The following MYSM1 variants were observed in gnomAD, a reference collection of about 807,000 sequenced individuals.
MYSM1 encodes the protein deubiquitinase MYSM1.
In MYSM1, 51 loss-of-function variants were observed where a neutral mutation model predicts 116.0. The ratio of observed to expected loss-of-function variants is 0.44; its 90% CI spans 0.35 to 0.56. The LOEUF (loss-of-function observed/expected upper bound fraction) is 0.56, where lower values mean the gene tolerates loss of function less well. Among genes scored for constraint, MYSM1 ranks in the 20% least tolerant of loss-of-function variants. The probability of loss-of-function intolerance (pLI) is 0.00; values close to 1 mark genes in which losing one functional copy is unlikely to be tolerated. For synonymous variants in MYSM1, 313 were observed against 315.2 expected, an observed-to-expected ratio of 0.99 and a Z score of 0.07; for missense variants, 900 against 974.9, an observed-to-expected ratio of 0.92 and a Z score of 1.02.
At chr1:58,693,016 T>C in intron 2 of MYSM1, 85 bp from the exon 3 acceptor site, 1 of 1,063,288 alleles carries the variant, frequency 9.4e-7, no homozygotes. Flanking sequence ...ATACATGTTA[T>C]AATGATTATA....
chr1:58,684,620 A>G (rs1198848808), intron 7 of MYSM1, among the ~76,000 whole-genome samples: 3 of 151,936 alleles, frequency 2.0e-5, no homozygotes, highest in Non-Finnish European at 2.9e-5. Context: ...ACATGGTTGC[A>G]TATAGCACAA....
intron 16 of MYSM1, 41 bp downstream of exon 16, chr1:58,666,997 G>A (rs1296784238): frequency 5.9e-6 from 7 of 1,194,586 alleles, no homozygotes; most frequent in South Asian, 1.7e-5. Flanking sequence ...GCATTGAGGG[G>A]GTGTGCAACC....
Position 58,682,237 on chromosome 1 carries a change from T to C in MYSM1, c.807A>G (p.Glu269=), listed in dbSNP as rs947677904. 6.2e-7 allele frequency: 1 copy of C among 1,612,910 alleles called. No homozygotes were observed. The highest frequency in any genetic ancestry group is 8.5e-7 in the Non-Finnish European group (1 of 1,179,090). Reference sequence around the variant, plus strand: ...CCCTGGAAGACTTAGAAAAGAGAGCTTCCTGGCTGTCAGAAGTAATGAATT... The same window carrying C: ...CCCTGGAAGACTTAGAAAAGAGAGCCTCCTGGCTGTCAGAAGTAATGAATT... ...QGEFITSDSQ[E]ALFSKSSRGC... The change falls in exon 8 of 20, where the codon GAA becomes GAG. Residue 269 remains glutamate, a synonymous_variant. Transcript: ENST00000472487.
rs1228364942 is a variant in MYSM1 at position 58,690,230 on chromosome 1, T to C, written c.316A>G (p.Ile106Val). The C allele has an allele frequency of 5.1e-6, 8 of 1,562,906 alleles. No individual in the cohort carries two copies. In the African/African-American group the frequency reaches 5.5e-5, roughly 11 times the overall value. ...YMKSLQKTAK[I>V]MVHSPTKPAS... ...ATATAAAATATAAGTACATACATGA[T>C]TTTTGCTGTTTTCTGCAGACTGCAT... The change falls in exon 5 of 20, where the codon ATC becomes GTC. Residue 106 changes from isoleucine (I) to valine (V), a missense_variant. This residue lies in a region of MYSM1 where 622 missense variants were observed against 623.7 expected (regional missense o/e 1.00). Coordinates refer to ENST00000472487, the MANE Select transcript of MYSM1 (RefSeq NM_001085487.3).
At chr1:58,683,106 T>A (rs1644773482) in intron 7 of MYSM1, among the ~76,000 whole-genome samples, 1 of 152,218 alleles carries the variant, frequency 6.6e-6, no homozygotes, top group Admixed American at 6.5e-5. Context: ...TCTATAAATA[T>A]ATAACTAATT....
intron 6 of MYSM1, among the ~76,000 whole-genome samples, chr1:58,686,746 C>G (rs926841549): frequency 6.6e-6 from 1 of 152,022 alleles, no homozygotes; most frequent in African/African-American, 2.4e-5. Flanking sequence ...TAGCATGGAG[C>G]ATTTGTGGAG....
chr1:58,685,899 T>C (rs1222245196), intron 6 of MYSM1, among the ~76,000 whole-genome samples: 1 of 152,230 alleles, frequency 6.6e-6, no homozygotes, highest in Non-Finnish European at 1.5e-5. Flanking sequence ...ATCAACAAAC[T>C]CTGGTTTTCT....
chr1:58,685,339 CTT>C, intron 6 of MYSM1, 88 bp from the exon 7 acceptor site: 1 of 668,974 alleles, frequency 1.5e-6, no homozygotes, highest in East Asian at 3.1e-5. Context: ...AAAAAAAAAA[CTT>C]AAAAAAAAAT....
chr1:58,680,743 C>T (rs888025504), intron 8 of MYSM1, among the ~76,000 whole-genome samples: 4 of 152,160 alleles, frequency 2.6e-5, no homozygotes, highest in African/African-American at 9.7e-5. Context: ...GCTCAAGGAA[C>T]TAGGAAGCTC....
In MYSM1 at chr1:58,656,947, T is replaced by C. The variant is rs1392137910; in HGVS notation, c.*3050A>G. The stretch of plus-strand genomic sequence containing the variant: ...TTGTAAAATATCACTTTTAATTTTG[T>C]ATGGAAGAAGGGGTCTAAGATGGCA... On this transcript the variant is annotated 3_prime_UTR_variant, in exon 20 of 20. Coordinates refer to ENST00000472487, the MANE Select transcript of MYSM1 (RefSeq NM_001085487.3). The C allele has an allele frequency of 1.3e-5, 2 of 152,150 alleles. No homozygotes were observed. The highest frequency in any genetic ancestry group is 2.9e-5 in the Non-Finnish European group (2 of 68,022). 9.4% of individuals were successfully genotyped at this position (152,150 alleles called of 1,614,324 possible). A position where few individuals can be genotyped will look rare whatever the true frequency, so the allele number is the denominator to read the frequency against.
intron 17 of MYSM1, 103 bp from the exon 18 acceptor site, chr1:58,661,614 C>T (rs1644393089): frequency 6.3e-6 from 4 of 632,282 alleles, no homozygotes; most frequent in Non-Finnish European, 1.1e-5. Context: ...ACAGCCATAG[C>T]TTTGCAGATC....
At chr1:58,686,977 A>AG (rs944345493) in intron 6 of MYSM1, among the ~76,000 whole-genome samples, 3 of 151,546 alleles carry the variant, frequency 2.0e-5, no homozygotes, top group Non-Finnish European at 4.4e-5. Flanking sequence ...AAAAAAAAAA[A>AG]AGAAGATAAA....
chr1:58,693,800 A>C (rs974365345), intron 2 of MYSM1, among the ~76,000 whole-genome samples: 4 of 152,232 alleles, frequency 2.6e-5, no homozygotes, highest in Non-Finnish European at 5.9e-5. Context: ...TAATTTTATA[A>C]AAATAAATTT....
chr1:58,655,287 A>G lies in MYSM1; in HGVS notation c.*4710T>C, dbSNP rs1282784829. 1.3e-5 allele frequency: 2 copies of G among 148,806 alleles called. No individual in the cohort carries two copies. The highest frequency in any genetic ancestry group is 1.4e-4 in the Admixed American group (2 of 14,676). 9.2% of individuals were successfully genotyped at this position (148,806 alleles called of 1,614,324 possible). ...ACATATTTAACTGACTTCTTAAGAG[A>G]CGAGGAAATGTCAAAAATAGCAAAT... On this transcript the variant is annotated 3_prime_UTR_variant, in exon 20 of 20. Coordinates refer to ENST00000472487, the MANE Select transcript of MYSM1 (RefSeq NM_001085487.3).
Position 58,695,134 on chromosome 1 carries a change from G to C in MYSM1, c.142C>G (p.Leu48Val). Residue 48 changes from leucine to valine, a missense_variant, in exon 2 of 20, where the codon CTT becomes GTT. Around this residue, in one of 3 missense-constraint regions of MYSM1, gnomAD observed 622 missense variants for 623.7 expected, o/e 1.00. Transcript: ENST00000472487. Reference sequence around the variant, plus strand: ...TATTTTTATAAAATACTTACAATAAGGCCATTCTCTGTTCTCCAAGATGAA... The same window carrying C: ...TATTTTTATAAAATACTTACAATAACGCCATTCTCTGTTCTCCAAGATGAA... Reference protein sequence around the residue: ...LDSSWRTENGLIPWTLDNTIS... With the variant: ...LDSSWRTENGVIPWTLDNTIS... 1 of 1,586,446 alleles carries C rather than the reference G, an allele frequency of 6.3e-7. No individual in the cohort carries two copies. The highest frequency in any genetic ancestry group is 8.6e-7 in the Non-Finnish European group (1 of 1,156,236).
At position 58,682,518 on chromosome 1, in the gene MYSM1, G is replaced by A. The variant is rs924259250; in HGVS notation, c.526C>T (p.Pro176Ser). The A allele has an allele frequency of 6.2e-7, 1 of 1,611,842 alleles. No homozygotes were observed. Among genetic ancestry groups the A allele is most frequent in the African/African-American group, 1.3e-5 (1 of 74,812 alleles). ...KVKCGLDKET[P>S]NQKTGHNLQV... Reference sequence around the variant, plus strand: ...AGATTATGGCCGGTCTTCTGATTTGGTGTTTCTTTATCCAGACCGCATTTG... The same window carrying A: ...AGATTATGGCCGGTCTTCTGATTTGATGTTTCTTTATCCAGACCGCATTTG... The change falls in exon 8 of 20, where the codon CCA becomes TCA. Residue 176 changes from proline to serine, a missense_variant. Pro to Ser is a moderately conservative substitution (Grantham distance 74). Coordinates refer to ENST00000472487, the MANE Select transcript of MYSM1 (RefSeq NM_001085487.3).
chr1:58,662,991 A>C (rs1292472746), intron 17 of MYSM1, among the ~76,000 whole-genome samples: 1 of 152,168 alleles, frequency 6.6e-6, no homozygotes, highest in Non-Finnish European at 1.5e-5. Flanking sequence ...TTTGCTAAAC[A>C]CTTTACATAT....
chr1:58,682,512 G>T lies in MYSM1; in HGVS notation c.532C>A (p.Gln178Lys), dbSNP rs1177209266. Residue 178 changes from glutamine (Q) to lysine (K), a missense_variant, in exon 8 of 20, where the codon CAG becomes AAG. This residue lies in a region of MYSM1 where 622 missense variants were observed against 623.7 expected (regional missense o/e 1.00). Coordinates refer to ENST00000472487, the MANE Select transcript of MYSM1 (RefSeq NM_001085487.3). ...ACTTGAAGATTATGGCCGGTCTTCT[G>T]ATTTGGTGTTTCTTTATCCAGACCG... ...KCGLDKETPN[Q>K]KTGHNLQVKN... is the part of the protein sequence containing the mutation. 1 of 1,612,488 alleles carries T rather than the reference G, an allele frequency of 6.2e-7. No individual in the cohort carries two copies. Among genetic ancestry groups the T allele is most frequent in the South Asian group, 1.1e-5 (1 of 90,888 alleles).
rs548505211 is a variant in MYSM1 at position 58,687,955 on chromosome 1, T to G, written c.399+1083A>C. On this transcript the variant is annotated intron_variant, in intron 6 of 19. Transcript: ENST00000472487. ...CCTTCTGCGTGTGTGTGTGTGTCTT[T>G]CTTTAACCCTCACCTCCTCTTTAAG... 2.6e-5 allele frequency among the ~76,000 whole-genome samples: 4 copies of G among 152,288 alleles called. No individual in the cohort carries two copies. The South Asian group carries it at 8.3e-4, about 32-fold the overall frequency.
Sources: gnomAD v4.1 joint callset for allele counts (sites outside exome capture counted in the v4.1 genomes callset) on GRCh38, gnomAD v4.1.1 for gene constraint, gnomAD v4.1.1 regional missense constraint, MANE v1.5 for transcripts, NCBI Gene and HGNC (gene_info 2026-07-23, HGNC 2026-07-21) for gene names.